Variants in MALRD1 observed in about 807,000 individuals in gnomAD.
MALRD1 encodes MAM and LDL receptor class A domain containing 1.
In MALRD1, 247 loss-of-function variants were observed where a neutral mutation model predicts 242.1. The observed-to-expected ratio is 1.02, with a 90% confidence interval of 0.92 to 1.13. The LOEUF (loss-of-function observed/expected upper bound fraction) is 1.13, where lower values mean the gene tolerates loss of function less well. MALRD1 is among the 50% of genes most tolerant of loss of function. The probability of loss-of-function intolerance (pLI) is 0.00; values close to 1 mark genes in which losing one functional copy is unlikely to be tolerated. For missense variants in MALRD1, 2,989 were observed against 2,533.1 expected (o/e 1.18, Z -3.86); for synonymous variants, 995 against 866.6 (o/e 1.15, Z -2.60).
rs374891356 is a variant in MALRD1, at chr10:19,203,642, A to T, written c.1952-86A>T. 26 of 1,313,226 alleles carry T rather than the reference A, an allele frequency of 2.0e-5. No individual in the cohort carries two copies. In the African/African-American group the frequency reaches 3.6e-4, roughly 18 times the overall value. 81.3% of individuals were successfully genotyped at this position (1,313,226 alleles called of 1,614,324 possible). A position where few individuals can be genotyped will look rare whatever the true frequency, so the allele number is the denominator to read the frequency against. On this transcript the variant is annotated intron_variant, in intron 14 of 39. Coordinates refer to ENST00000454679, the MANE Select transcript of MALRD1 (RefSeq NM_001142308.3). ...CTTCATGTGCATACAGAAGCATAATAAGGTGAATTCTATTTGAGCTCTGCC... is the reference window on the plus strand; with the variant it reads ...CTTCATGTGCATACAGAAGCATAATTAGGTGAATTCTATTTGAGCTCTGCC...
At chr10:19,230,367 A>G (rs973263236) in intron 18 of MALRD1, among the ~76,000 whole-genome samples, 3 of 151,402 alleles carry the variant, frequency 2.0e-5, no homozygotes, top group African/African-American at 7.4e-5. Flanking sequence ...TACATGAAGC[A>G]TAGTACTGGC....
At chr10:19,610,785 C>G (rs1342371587) in intron 35 of MALRD1, among the ~76,000 whole-genome samples, 1 of 151,938 alleles carries the variant, frequency 6.6e-6, no homozygotes, top group Non-Finnish European at 1.5e-5. Flanking sequence ...GCTATTAACT[C>G]AAGTAAGTTA....
At chr10:19,319,216 A>G (rs765390938) in intron 21 of MALRD1, among the ~76,000 whole-genome samples, 99 of 152,190 alleles carry the variant, frequency 6.5e-4, no homozygotes, top group Admixed American at 1.5e-3. Flanking sequence ...GTTGAAAACA[A>G]ACTTTCTTAC....
intron 29 of MALRD1, among the ~76,000 whole-genome samples, chr10:19,475,789 A>T (rs1371610956): frequency 6.6e-6 from 1 of 152,218 alleles, no homozygotes; most frequent in Non-Finnish European, 1.5e-5. Flanking sequence ...TTCTATGTCA[A>T]TAATAGACAA....
intron 18 of MALRD1, among the ~76,000 whole-genome samples, chr10:19,227,973 T>G (rs1837873093): frequency 6.6e-6 from 1 of 152,164 alleles, no homozygotes; most frequent in Admixed American, 6.6e-5. Context: ...TACCACATGA[T>G]GTGAAGAATT....
At position 19,709,594 on chromosome 10, in the gene MALRD1, A is replaced by G. The variant is rs138571482; in HGVS notation, c.6314+17040A>G. ...AGGTCTGAAATTCTATGATTTAAAT[A>G]GAATATTGAGCTTAGTTCTTTTGGG... On this transcript the variant is annotated intron_variant, in intron 38 of 39. Coordinates refer to ENST00000454679, the MANE Select transcript of MALRD1 (RefSeq NM_001142308.3). Among the ~76,000 whole-genome samples, 475 of 152,342 alleles carry G rather than the reference A, an allele frequency of 3.1e-3. 1 individual carries two copies. Among genetic ancestry groups the G allele is most frequent in the African/African-American group, 0.011 (439 of 41,586 alleles).
chr10:19,193,481 G>A (rs1836083442), intron 14 of MALRD1, among the ~76,000 whole-genome samples: 1 of 152,168 alleles, frequency 6.6e-6, no homozygotes, highest in Admixed American at 6.5e-5. Context: ...CTTGAGCCTG[G>A]GAGGTTGAGG....
chr10:19,666,734 G>A (rs1212527206), intron 36 of MALRD1, among the ~76,000 whole-genome samples: 5 of 152,126 alleles, frequency 3.3e-5, no homozygotes, highest in Admixed American at 3.3e-4. Context: ...TTTAAATGCT[G>A]GTAGGTAGCT....
At chr10:19,550,663 C>T (rs560644076) in intron 32 of MALRD1, among the ~76,000 whole-genome samples, 2 of 152,178 alleles carry the variant, frequency 1.3e-5, no homozygotes, top group African/African-American at 2.4e-5. Context: ...TGTCCCTGCA[C>T]GGGATGTGAT....
At chr10:19,285,517 C>A (rs1476473414) in intron 21 of MALRD1, among the ~76,000 whole-genome samples, 5 of 151,856 alleles carry the variant, frequency 3.3e-5, no homozygotes, top group Non-Finnish European at 7.4e-5. Flanking sequence ...GGAATCCTTT[C>A]CCCATTGCTT....
chr10:19,552,322 T>C (rs540103708), intron 32 of MALRD1, among the ~76,000 whole-genome samples: 2 of 152,064 alleles, frequency 1.3e-5, no homozygotes, highest in Non-Finnish European at 2.9e-5. Context: ...GTCCAGAAAT[T>C]TATCAGTTTC....
At chr10:19,249,562 G>T (rs2131778924) in intron 18 of MALRD1, among the ~76,000 whole-genome samples, 1 of 152,114 alleles carries the variant, frequency 6.6e-6, no homozygotes, top group African/African-American at 2.4e-5. Flanking sequence ...TGTGCTGGAT[G>T]CTGTGTTTGC....
chr10:19,294,725 A>G (rs1588869307), intron 21 of MALRD1, among the ~76,000 whole-genome samples: 1 of 152,318 alleles, frequency 6.6e-6, no homozygotes, highest in East Asian at 1.9e-4. Flanking sequence ...AACTAAAATA[A>G]TACAATGGGT....
Position 19,711,350 on chromosome 10 carries a change from C to G in MALRD1, c.6314+18796C>G, listed in dbSNP as rs190373241. 2.0e-4 allele frequency: 31 copies of G among 152,224 alleles called. 1 individual carries two copies. The allele number at this position is 152,224 out of a possible 1,614,324, so 9.4% of individuals were successfully genotyped here. A position where few individuals can be genotyped will look rare whatever the true frequency, so the allele number is the denominator to read the frequency against. On this transcript the variant is annotated intron_variant, in intron 38 of 39. Coordinates refer to ENST00000454679, the MANE Select transcript of MALRD1 (RefSeq NM_001142308.3). ...AGCAATTCATTCTTATATTTTTTGA[C>G]AAACATCTGTTAAGCACCTATTATT...
At chr10:19,645,287 C>A (rs1020135087) in intron 36 of MALRD1, among the ~76,000 whole-genome samples, 10 of 152,050 alleles carry the variant, frequency 6.6e-5, no homozygotes, top group Non-Finnish European at 1.3e-4. Flanking sequence ...GTGGGACTGT[C>A]AACTAGTTCA....
intron 14 of MALRD1, among the ~76,000 whole-genome samples, chr10:19,196,623 A>C (rs1836270249): frequency 6.7e-6 from 1 of 149,866 alleles, no homozygotes; most frequent in African/African-American, 2.5e-5. Context: ...TAACCTCCTC[A>C]TGTGAACTCT....
chr10:19,628,106 A>G (rs979111053), intron 36 of MALRD1, among the ~76,000 whole-genome samples: 3 of 152,136 alleles, frequency 2.0e-5, no homozygotes, highest in Non-Finnish European at 4.4e-5. Context: ...GTTTTTACCT[A>G]TTAAAGTGAC....
At position 19,176,366 on chromosome 10, in the gene MALRD1, C is replaced by CTTTTTTT. The variant is rs11443184; in HGVS notation, c.1951+1051_1951+1057dup. On this transcript the variant is annotated intron_variant, in intron 14 of 39. Transcript: ENST00000454679. ...TCGAGAGAGTGTATATTTCTGGGTG[C>CTTTTTTT]TTTTTTTTTTTTTTTTTTTGAGACG... Among the ~76,000 whole-genome samples the CTTTTTTT allele has an allele frequency of 1.3e-3, 110 of 87,298 alleles. 18 individuals carry two copies. Among genetic ancestry groups the CTTTTTTT allele is most frequent in the Middle Eastern group, 6.8e-3 (1 of 148 alleles). 57.3% of individuals were successfully genotyped at this position (87,298 alleles called of 152,430 possible). A position where few individuals can be genotyped will look rare whatever the true frequency, so the allele number is the denominator to read the frequency against.
At chr10:19,618,346 C>A (rs971727840) in intron 36 of MALRD1, among the ~76,000 whole-genome samples, 87 of 152,136 alleles carry the variant, frequency 5.7e-4, no homozygotes, top group Admixed American at 2.8e-3. Context: ...TGGGTATATA[C>A]CCAGTAATGG....
Sources: allele counts gnomAD v4.1 joint callset (sites outside exome capture counted in the v4.1 genomes callset), GRCh38; gene constraint gnomAD v4.1.1; transcripts MANE v1.5; gene names NCBI Gene and HGNC (gene_info 2026-07-23, HGNC 2026-07-21).